Variants in DLGAP2 observed in about 807,000 individuals in gnomAD.
The protein encoded by DLGAP2 is disks large-associated protein 2.
Under a neutral mutation model 100.3 loss-of-function variants are expected in DLGAP2, and 26 were observed. The observed-to-expected ratio is 0.26, with a 90% CI of 0.19 to 0.36. DLGAP2 has a LOEUF of 0.36. Among genes scored for constraint, DLGAP2 ranks in the 10% least tolerant of loss-of-function variants. The pLI is 1.00. For missense variants in DLGAP2, 1,858 were observed against 1,453.2 expected (o/e 1.28, Z -4.53); for synonymous variants, 886 against 630.1 (o/e 1.41, Z -6.08).
rs185427879 is a variant in DLGAP2, at chr8:1,576,914, A to C, written c.1442+11020A>C. ...TGCCTTTCTTCACAGAATTGGAAAA[A>C]ACTACTTTAAAGTTCTTATGGAAAC... On this transcript the variant is annotated intron_variant, in intron 6 of 14. Transcript: ENST00000637795. Among the ~76,000 whole-genome samples, 671 of 152,292 alleles carry C rather than the reference A, an allele frequency of 4.4e-3. 2 individuals carry two copies. The highest frequency in any genetic ancestry group is 7.8e-3 in the Non-Finnish European group (530 of 68,024).
intron 2 of DLGAP2, among the ~76,000 whole-genome samples, chr8:1,047,702 G>T (rs1042313022): frequency 3.9e-5 from 6 of 151,982 alleles, no homozygotes; most frequent in African/African-American, 1.2e-4. Flanking sequence ...AGGCCAAGGC[G>T]GGTCTCTGTG....
At chr8:857,346 A>T (rs1244498677) in intron 1 of DLGAP2, among the ~76,000 whole-genome samples, 1 of 152,246 alleles carries the variant, frequency 6.6e-6, no homozygotes, top group Non-Finnish European at 1.5e-5. Flanking sequence ...GGACTTCATT[A>T]AAATGAACAG....
intron 3 of DLGAP2, among the ~76,000 whole-genome samples, chr8:1,423,419 C>T (rs1011471012): frequency 6.6e-6 from 1 of 152,196 alleles, no homozygotes; most frequent in Non-Finnish European, 1.5e-5. Context: ...CACCACATCC[C>T]ATAGCCCACT....
intron 4 of DLGAP2, among the ~76,000 whole-genome samples, chr8:1,523,889 T>A (rs908053529): frequency 6.6e-6 from 1 of 152,178 alleles, no homozygotes; most frequent in Non-Finnish European, 1.5e-5. Context: ...AGAATTTCAC[T>A]TGTGAATTGA....
intron 6 of DLGAP2, among the ~76,000 whole-genome samples, chr8:1,599,706 T>A (rs1047936252): frequency 2.0e-5 from 3 of 152,184 alleles, no homozygotes; most frequent in African/African-American, 7.2e-5. Context: ...CTCCTGCTTT[T>A]TTTGCTTTCC....
chr8:763,746 A>G (rs554619393), intron 1 of DLGAP2, among the ~76,000 whole-genome samples: 4 of 152,284 alleles, frequency 2.6e-5, no homozygotes, highest in Admixed American at 2.6e-4. Flanking sequence ...AGTGCAAGGC[A>G]CTGAACACAC....
chr8:1,339,444 G>C (rs929302220), intron 3 of DLGAP2, among the ~76,000 whole-genome samples: 5 of 152,208 alleles, frequency 3.3e-5, no homozygotes, highest in Admixed American at 3.3e-4. Context: ...TCCTGGGACA[G>C]CCTCGGGAGC....
chr8:1,483,662 G>GAAC (rs1203856617), intron 3 of DLGAP2, among the ~76,000 whole-genome samples: 2 of 149,836 alleles, frequency 1.3e-5, no homozygotes, highest in African/African-American at 5.0e-5. Context: ...CGTCTACACA[G>GAAC]AGCAGGGAGG....
rs530933601 is a variant in DLGAP2 at position 1,210,631 on chromosome 8, C to A, written c.74-48220C>A. ...GAGGGGCTCCCTCTGGGGCCTAGTT[C>A]CCTCTTGCCATGGCTACTGCCTTGG... On this transcript the variant is annotated intron_variant, in intron 2 of 14. Coordinates refer to ENST00000637795, the MANE Select transcript of DLGAP2 (RefSeq NM_001346810.2). Among the ~76,000 whole-genome samples the A allele has an allele frequency of 5.3e-5, 8 of 152,274 alleles. No individual in the cohort carries two copies. In the East Asian group the frequency reaches 1.6e-3, roughly 30 times the overall value.
chr8:1,683,856 A>ATATATATATATATATATATG (rs1467438870), intron 12 of DLGAP2, among the ~76,000 whole-genome samples: 22 of 62,226 alleles, frequency 3.5e-4, no homozygotes, highest in African/African-American at 1.5e-3. Context: ...ATATATATAT[A>ATATATATATATATATATATG]TGTGTGTGTG....
At chr8:1,660,098 T>G (rs942166118) in intron 8 of DLGAP2, among the ~76,000 whole-genome samples, 9 of 152,190 alleles carry the variant, frequency 5.9e-5, no homozygotes, top group Admixed American at 2.0e-4. Flanking sequence ...CTCCTTCACT[T>G]ATTTAGTTTG....
chr8:906,768 C>T (rs554444779), intron 1 of DLGAP2, among the ~76,000 whole-genome samples: 2 of 152,330 alleles, frequency 1.3e-5, no homozygotes, highest in African/African-American at 4.8e-5. Context: ...GCTCTGTGCA[C>T]ATGAGAAGCA....
At chr8:872,181 A>G (rs1331472815) in intron 1 of DLGAP2, among the ~76,000 whole-genome samples, 1 of 152,108 alleles carries the variant, frequency 6.6e-6, no homozygotes, top group Non-Finnish European at 1.5e-5. Flanking sequence ...AATTTATTCT[A>G]AGGTTCATTT....
At chr8:1,052,003 A>G (rs965254990) in intron 2 of DLGAP2, among the ~76,000 whole-genome samples, 7 of 152,202 alleles carry the variant, frequency 4.6e-5, no homozygotes, top group Admixed American at 1.3e-4. Context: ...TCTACCCACA[A>G]TGGGATGCCC....
chr8:1,266,436 C>G (rs934973530), intron 3 of DLGAP2, among the ~76,000 whole-genome samples: 1 of 152,174 alleles, frequency 6.6e-6, no homozygotes, highest in Admixed American at 6.5e-5. Context: ...TCAGAAGCTC[C>G]AAGAATCCCT....
intron 1 of DLGAP2, among the ~76,000 whole-genome samples, chr8:903,612 A>T (rs141482469): frequency 3.3e-5 from 5 of 151,670 alleles, no homozygotes; most frequent in Non-Finnish European, 7.4e-5. Context: ...TTATTCCTCC[A>T]CTCTGTTCAT....
chr8:1,225,529 A>G (rs140034686), intron 2 of DLGAP2, among the ~76,000 whole-genome samples: 199 of 152,342 alleles, frequency 1.3e-3, no homozygotes, highest in Non-Finnish European at 2.5e-3. Flanking sequence ...ACGTGAATGT[A>G]TTAAATGCCA....
chr8:850,082 G>T (rs1797157798), intron 1 of DLGAP2, among the ~76,000 whole-genome samples: 1 of 149,964 alleles, frequency 6.7e-6, no homozygotes, highest in Non-Finnish European at 1.5e-5. Flanking sequence ...AAAAAAACTA[G>T]GTTGTTTGTA....
At chr8:1,472,181 TG>T (rs1395584150) in intron 3 of DLGAP2, among the ~76,000 whole-genome samples, 1 of 152,140 alleles carries the variant, frequency 6.6e-6, no homozygotes, top group Non-Finnish European at 1.5e-5. Context: ...GGGGAGGTGA[TG>T]CTGGAGGAAA....
Sources: gnomAD v4.1 joint callset for allele counts (sites outside exome capture counted in the v4.1 genomes callset) on GRCh38, gnomAD v4.1.1 for gene constraint, MANE v1.5 for transcripts, NCBI Gene and HGNC (gene_info 2026-07-23, HGNC 2026-07-21) for gene names.